Variants in MACROD2 observed in about 807,000 individuals in gnomAD.
MACROD2 encodes mono-ADP ribosylhydrolase 2, also known as ADP-ribose glycohydrolase MACROD2.
A neutral mutation model predicts 70.4 loss-of-function variants in MACROD2; 36 were observed. The ratio of observed to expected loss-of-function variants is 0.51; its 90% confidence interval spans 0.39 to 0.68. The LOEUF is 0.68. Among genes scored for constraint, MACROD2 ranks in the 30% least tolerant of loss-of-function variants. MACROD2 has a pLI of 0.00. For synonymous variants in MACROD2, 172 were observed against 178.8 expected (o/e 0.96, Z 0.30); for missense variants, 496 against 538.4 (o/e 0.92, Z 0.78).
chr20:15,517,573 G>A (rs1341285934), intron 8 of MACROD2, among the ~76,000 whole-genome samples: 1 of 152,192 alleles, frequency 6.6e-6, no homozygotes, highest in Non-Finnish European at 1.5e-5. Context: ...TGCCTGGAAG[G>A]TAGTAGGGGC....
At chr20:14,758,607 C>G (rs1197292184) in intron 5 of MACROD2, among the ~76,000 whole-genome samples, 1 of 152,110 alleles carries the variant, frequency 6.6e-6, no homozygotes. Flanking sequence ...GGGACCCATG[C>G]ACTGTACAGC....
chr20:14,961,159 A>G (rs1003038777), intron 5 of MACROD2, among the ~76,000 whole-genome samples: 2 of 152,206 alleles, frequency 1.3e-5, no homozygotes, highest in Non-Finnish European at 2.9e-5. Context: ...TGTATGCAAC[A>G]TTGCAAAAAA....
At chr20:15,435,129 T>A (rs6079819) in intron 7 of MACROD2, among the ~76,000 whole-genome samples, 27,867 of 151,928 alleles carry the variant, frequency 0.18, 2,923 homozygotes, top group Non-Finnish European at 0.25. Context: ...CAAAGAATTT[T>A]TGCATGTAAC....
intron 8 of MACROD2, among the ~76,000 whole-genome samples, chr20:15,576,140 T>G (rs1003820625): frequency 6.6e-6 from 1 of 152,146 alleles, no homozygotes; most frequent in Non-Finnish European, 1.5e-5. Flanking sequence ...TTCACTTCTT[T>G]TCTCTTTCTT....
intron 6 of MACROD2, among the ~76,000 whole-genome samples, chr20:15,411,540 A>G (rs1356175459): frequency 2.0e-5 from 3 of 152,214 alleles, no homozygotes; most frequent in Non-Finnish European, 4.4e-5. Context: ...ACTTTATCCT[A>G]CAGATAAAAC....
intron 6 of MACROD2, among the ~76,000 whole-genome samples, chr20:15,430,672 T>G (rs1204287009): frequency 1.3e-5 from 2 of 151,996 alleles, no homozygotes; most frequent in Non-Finnish European, 2.9e-5. Context: ...TGCTGGTAAA[T>G]GTTTAAAGAC....
chr20:15,964,563 A>G (rs2066111224), intron 12 of MACROD2, among the ~76,000 whole-genome samples: 1 of 152,074 alleles, frequency 6.6e-6, no homozygotes, highest in Non-Finnish European at 1.5e-5. Flanking sequence ...TTTTAGGGGG[A>G]CACAAATATT....
At chr20:15,036,568 C>T (rs573736043) in intron 5 of MACROD2, among the ~76,000 whole-genome samples, 2 of 152,256 alleles carry the variant, frequency 1.3e-5, no homozygotes, top group South Asian at 2.1e-4. Context: ...ATCATAATCA[C>T]GCACTCATCT....
intron 6 of MACROD2, among the ~76,000 whole-genome samples, chr20:15,302,387 C>CACACACACACACAAGACAT (rs6147301): frequency 0.12 from 17,501 of 150,474 alleles, 1,119 homozygotes; most frequent in Middle Eastern, 0.2. Context: ...CACACATACA[C>CACACACACACACAAGACAT]ACATACAGAT....
At chr20:14,515,469 A>ACGCGCGCGCGCGCG (rs1555798354) in intron 4 of MACROD2, among the ~76,000 whole-genome samples, 15 of 143,656 alleles carry the variant, frequency 1.0e-4, no homozygotes, top group African/African-American at 2.7e-4. Context: ...ACACACGCAC[A>ACGCGCGCGCGCGCG]CACACACACA....
intron 17 of MACROD2, among the ~76,000 whole-genome samples, chr20:16,046,337 T>C (rs922796775): frequency 1.3e-5 from 2 of 151,216 alleles, no homozygotes; most frequent in African/African-American, 4.8e-5. Flanking sequence ...ATTTCTCCTT[T>C]TTTTTTTTAC....
intron 5 of MACROD2, among the ~76,000 whole-genome samples, chr20:15,107,872 A>G (rs536115315): frequency 6.6e-6 from 1 of 152,278 alleles, no homozygotes; most frequent in African/African-American, 2.4e-5. Flanking sequence ...AATAGATAAT[A>G]AAAGACTTTT....
chr20:15,008,652 C>T (rs950188051), intron 5 of MACROD2, among the ~76,000 whole-genome samples: 1 of 152,054 alleles, frequency 6.6e-6, no homozygotes, highest in Non-Finnish European at 1.5e-5. Context: ...AAGGACTGTT[C>T]CCCCCTTACA....
At chr20:14,730,509 G>A (rs2071582367) in intron 5 of MACROD2, among the ~76,000 whole-genome samples, 1 of 152,144 alleles carries the variant, frequency 6.6e-6, no homozygotes, top group Admixed American at 6.6e-5. Flanking sequence ...AACCACAGCT[G>A]TCAAAATAGA....
chr20:15,043,415 A>T (rs963279915), intron 5 of MACROD2, among the ~76,000 whole-genome samples: 2 of 152,116 alleles, frequency 1.3e-5, no homozygotes, highest in African/African-American at 4.8e-5. Context: ...AGGCCCCTCC[A>T]GTGTCCATTG....
chr20:15,873,410 A>G (rs2064614823), intron 9 of MACROD2, among the ~76,000 whole-genome samples: 1 of 152,194 alleles, frequency 6.6e-6, no homozygotes, highest in African/African-American at 2.4e-5. Flanking sequence ...ATTAATGGGT[A>G]ACAACATTCA....
At chr20:16,037,151 G>C (rs548505341) in intron 15 of MACROD2, among the ~76,000 whole-genome samples, 2 of 152,144 alleles carry the variant, frequency 1.3e-5, no homozygotes, top group African/African-American at 4.8e-5. Context: ...AGTGAGGTTA[G>C]AAGGACAAGC....
chr20:15,720,944 G>T (rs1381116590), intron 8 of MACROD2, among the ~76,000 whole-genome samples: 1 of 152,072 alleles, frequency 6.6e-6, no homozygotes, highest in Non-Finnish European at 1.5e-5. Flanking sequence ...ATTATGTTGG[G>T]GTTCTGTGTT....
intron 10 of MACROD2, among the ~76,000 whole-genome samples, chr20:15,904,412 C>G (rs2065112045): frequency 6.6e-6 from 1 of 152,082 alleles, no homozygotes; most frequent in South Asian, 2.1e-4. Flanking sequence ...TATTGACAAA[C>G]AAGATAAACT....
Sources: allele counts gnomAD v4.1 joint callset (sites outside exome capture counted in the v4.1 genomes callset), GRCh38; gene constraint gnomAD v4.1.1; transcripts MANE v1.5; gene names NCBI Gene and HGNC (gene_info 2026-07-23, HGNC 2026-07-21).